The following CACNA1C variants were observed in gnomAD, a reference collection of about 807,000 sequenced individuals.
CACNA1C encodes voltage-dependent L-type calcium channel subunit alpha-1C.
Under a neutral mutation model 229.0 loss-of-function variants are expected in CACNA1C, and 30 were observed. The ratio of observed to expected loss-of-function variants is 0.13; its 90% CI spans 0.10 to 0.18. CACNA1C has a LOEUF of 0.18. Among genes scored for constraint, CACNA1C ranks in the 10% least tolerant of loss-of-function variants. The pLI is 1.00. For synonymous variants in CACNA1C, 1,114 were observed against 1,132.5 expected (o/e 0.98, Z 0.33); for missense variants, 1,658 against 2,845.0 (o/e 0.58, Z 9.49).
intron 9 of CACNA1C, among the ~76,000 whole-genome samples, chr12:2,542,246 C>G (rs1404193402): frequency 1.3e-5 from 2 of 152,214 alleles, no homozygotes; most frequent in Admixed American, 1.3e-4. Context: ...TCTTTGGACA[C>G]ATCATGCTGG....
intron 3 of CACNA1C, among the ~76,000 whole-genome samples, chr12:2,142,071 G>A (rs2094274264): frequency 6.6e-6 from 1 of 151,088 alleles, no homozygotes; most frequent in Admixed American, 6.7e-5. Flanking sequence ...CCCTGGTCTG[G>A]TGGGGGACAG....
intron 30 of CACNA1C, among the ~76,000 whole-genome samples, chr12:2,644,772 T>C (rs1279945362): frequency 6.6e-6 from 1 of 152,238 alleles, no homozygotes; most frequent in Admixed American, 6.5e-5. Flanking sequence ...ACTTCTCATT[T>C]GACCCTGAAC....
intron 3 of CACNA1C, among the ~76,000 whole-genome samples, chr12:2,124,343 G>A (rs961161996): frequency 2.6e-5 from 4 of 152,102 alleles, no homozygotes; most frequent in African/African-American, 9.7e-5. Context: ...TTTGCATTGC[G>A]TCTCTCAAGA....
chr12:2,691,374 C>T lies in CACNA1C; in HGVS notation c.*175C>T. On this transcript the variant is annotated 3_prime_UTR_variant, in exon 47 of 47. Coordinates refer to ENST00000399655, the MANE Select transcript of CACNA1C (RefSeq NM_000719.7). ...CGCGAGCCGCCCTCCGGGAGGAAGG[C>T]GCCCGGCTGCGTCTGCAGAGGCGGG... The T allele has an allele frequency of 1.6e-6, 1 of 622,100 alleles. No individual in the cohort carries two copies. The allele number at this position is 622,100 out of a possible 1,614,324, so 38.5% of individuals were successfully genotyped here.
At position 2,689,288 on chromosome 12, in the gene CACNA1C, C is replaced by A. The variant is rs1202682047; in HGVS notation, c.6117+509C>A. Among the ~76,000 whole-genome samples the A allele has an allele frequency of 1.3e-5, 2 of 152,154 alleles. No individual in the cohort carries two copies. The highest frequency in any genetic ancestry group is 2.9e-5 in the Non-Finnish European group (2 of 68,028). ...GTCAGAGCATCTAGTGCAATCCCGG[C>A]ACCACATTATTAGGGACCTTTGACA... On this transcript the variant is annotated intron_variant, in intron 46 of 46. Coordinates refer to ENST00000399655, the MANE Select transcript of CACNA1C (RefSeq NM_000719.7). The surrounding 1 kb of genome is among the most constrained non-coding windows in gnomAD (Gnocchi z 4.2).
chr12:2,391,439 G>C, intron 3 of CACNA1C, among the ~76,000 whole-genome samples: 1 of 152,148 alleles, frequency 6.6e-6, no homozygotes, highest in East Asian at 1.9e-4. Flanking sequence ...CCAAAGAAAG[G>C]GCAACCACGA....
At chr12:2,617,037 T>G (rs1416241645) in intron 29 of CACNA1C, among the ~76,000 whole-genome samples, 1 of 152,264 alleles carries the variant, frequency 6.6e-6, no homozygotes, top group African/African-American at 2.4e-5. Context: ...TTGTCTGCTT[T>G]GAAGCCCCTG....
At position 2,143,144 on chromosome 12, in the gene CACNA1C, T is replaced by C. The variant is rs2094419741; in HGVS notation, c.477+22714T>C. 1.3e-5 allele frequency among the ~76,000 whole-genome samples: 2 copies of C among 150,836 alleles called. 1 individual carries two copies. The highest frequency in any genetic ancestry group is 4.2e-4 in the South Asian group (2 of 4,734). On this transcript the variant is annotated intron_variant, in intron 3 of 46. Coordinates refer to ENST00000399655, the MANE Select transcript of CACNA1C (RefSeq NM_000719.7). ...GTGCCTGCCACCATGCCCGGCTAAG[T>C]TTTGTATTTTTAGTAGAGACGGGGT...
At chr12:2,358,241 C>A (rs73607704) in intron 3 of CACNA1C, among the ~76,000 whole-genome samples, 1 of 145,744 alleles carries the variant, frequency 6.9e-6, no homozygotes, top group Non-Finnish European at 1.5e-5. Context: ...CTAAAAGAAG[C>A]GGCGTCCTCC....
At chr12:1,970,992 T>A (rs1016184487) in exon 1 of CACNA1C, 2 of 1,028,650 alleles carry the variant, frequency 1.9e-6, no homozygotes, top group African/African-American at 3.4e-5. Context: ...TAAAAAATTA[T>A]AAGAGATCAT....
intron 7 of CACNA1C, among the ~76,000 whole-genome samples, chr12:2,498,240 A>G (rs2099751338): frequency 6.6e-6 from 1 of 152,218 alleles, no homozygotes; most frequent in Non-Finnish European, 1.5e-5. Flanking sequence ...GAAACCCTCA[A>G]GTAACCCAGA....
Position 2,015,834 on chromosome 12 carries a change from C to A in CACNA1C, c.139+44633C>A, listed in dbSNP as rs182686932. On this transcript the variant is annotated intron_variant, in intron 1 of 46. Transcript: ENST00000682462. ...GGGCAGTTCACCTGTCCTAGGTAAA[C>A]CTCAGCTTCCTTCTCAATAAAATGA... Among the ~76,000 whole-genome samples, 96 of 152,312 alleles carry A rather than the reference C, an allele frequency of 6.3e-4. 1 individual carries two copies. The highest frequency in any genetic ancestry group is 9.1e-4 in the Admixed American group (14 of 15,302).
At position 2,457,716 on chromosome 12, in the gene CACNA1C, G is replaced by A; in HGVS notation, c.757+10G>A. On this transcript the variant is annotated intron_variant, in intron 5 of 46. Coordinates refer to ENST00000399655, the MANE Select transcript of CACNA1C (RefSeq NM_000719.7). The stretch of plus-strand genomic sequence containing the variant: ...GTGTCCGGAGTCCCAAGTAAGTGAA[G>A]CCCGTTCTTGTGTACAGTGTTATCT... 1 of 1,573,524 alleles carries A rather than the reference G, an allele frequency of 6.4e-7. No individual in the cohort carries two copies. The highest frequency in any genetic ancestry group is 8.6e-7 in the Non-Finnish European group (1 of 1,161,160).
intron 7 of CACNA1C, among the ~76,000 whole-genome samples, chr12:2,496,754 C>A (rs1380699175): frequency 1.3e-5 from 2 of 152,250 alleles, no homozygotes; most frequent in African/African-American, 4.8e-5. Flanking sequence ...AACATTTCTT[C>A]TACCTAATAT....
intron 30 of CACNA1C, among the ~76,000 whole-genome samples, chr12:2,640,336 GCTCCTGCACTCCTCATTCAGTGC>G (rs1260736524): frequency 6.6e-6 from 1 of 152,194 alleles, no homozygotes; most frequent in African/African-American, 2.4e-5. Flanking sequence ...GGGCCCAGTG[GCTCCTGCACTCCTCATTCAGTGC>G]CTCCTGGCAA....
At chr12:2,248,895 C>T (rs983283993) in intron 3 of CACNA1C, among the ~76,000 whole-genome samples, 7 of 152,128 alleles carry the variant, frequency 4.6e-5, no homozygotes, top group Non-Finnish European at 7.4e-5. Context: ...ATGAGCATCA[C>T]GATAGTCCTG....
rs574402293 is a variant in CACNA1C, at chr12:2,410,068, G to A, written c.478-38908G>A. On this transcript the variant is annotated intron_variant, in intron 3 of 46. Transcript: ENST00000399655. The surrounding 1 kb of genome is among the most constrained non-coding windows in gnomAD (Gnocchi z 5.3). Reference sequence around the variant, plus strand: ...TGAATCATCCTCACCTGCCAGCCGCGGGCCTCAGCAAGCTGGCAGCTTCGT... The same window carrying A: ...TGAATCATCCTCACCTGCCAGCCGCAGGCCTCAGCAAGCTGGCAGCTTCGT... Among the ~76,000 whole-genome samples, 36 of 152,260 alleles carry A rather than the reference G, an allele frequency of 2.4e-4. No homozygotes were observed. Among genetic ancestry groups the A allele is most frequent in the African/African-American group, 7.9e-4 (33 of 41,560 alleles).
At chr12:2,126,150 T>C (rs544485811) in intron 3 of CACNA1C, among the ~76,000 whole-genome samples, 8 of 152,200 alleles carry the variant, frequency 5.3e-5, no homozygotes, top group Non-Finnish European at 1.2e-4. Context: ...TCTCTCTCAT[T>C]ATTTAAATAA....
chr12:2,073,427 C>A (rs114674687), intron 1 of CACNA1C, among the ~76,000 whole-genome samples: 2,723 of 152,260 alleles, frequency 0.018, 78 homozygotes, highest in African/African-American at 0.061. Context: ...AACATGACCA[C>A]AGAGAAAGGG....
Sources: gnomAD v4.1 joint callset for allele counts (sites outside exome capture counted in the v4.1 genomes callset) on GRCh38, gnomAD v4.1.1 for gene constraint, Gnocchi (gnomAD v3.1) non-coding constraint, MANE v1.5 for transcripts, NCBI Gene and HGNC (gene_info 2026-07-23, HGNC 2026-07-21) for gene names.